Variants in GREB1L observed in about 807,000 individuals in gnomAD.
GREB1L encodes GREB1-like protein.
In GREB1L, 17 loss-of-function variants were observed where a neutral mutation model predicts 200.8. The observed-to-expected ratio is 0.08, with a 90% CI of 0.06 to 0.13. The LOEUF (loss-of-function observed/expected upper bound fraction) is 0.13, where lower values mean the gene tolerates loss of function less well. Ranked by LOEUF, GREB1L falls within the 10% of genes least tolerant of loss-of-function variation. The pLI, the probability that GREB1L is intolerant of heterozygous loss-of-function variation, is 1.00. For missense variants in GREB1L, 1,657 were observed against 2,367.7 expected, an observed-to-expected ratio of 0.70 and a Z score of 6.23; for synonymous variants, 789 against 893.0, an observed-to-expected ratio of 0.88 and a Z score of 2.08.
intron 1 of GREB1L, among the ~76,000 whole-genome samples, chr18:21,355,181 G>A (rs1435623656): frequency 6.7e-6 from 1 of 149,990 alleles, no homozygotes; most frequent in Non-Finnish European, 1.5e-5. Context: ...ATCACATGCT[G>A]TCTTTTGTTA....
chr18:21,485,744 T>C lies in GREB1L; in HGVS notation c.2681T>C (p.Leu894Pro). The change falls in exon 18 of 33, where the codon CTC becomes CCC. Residue 894 changes from leucine to proline, a missense_variant. Coordinates refer to ENST00000424526, the MANE Select transcript of GREB1L (RefSeq NM_001142966.3). ...DETFEKMVNT[L>P]LERYPRLHSM... ...ACTTTTGAAAAAATGGTGAACACAC[T>C]CTTGGAGAGGTAAATAGTAAATAAG... is the stretch of plus-strand genomic sequence containing the variant. The C allele has an allele frequency of 6.4e-7, 1 of 1,551,510 alleles. No individual in the cohort carries two copies.
intron 1 of GREB1L, among the ~76,000 whole-genome samples, chr18:21,256,316 C>T (rs955874379): frequency 2.0e-5 from 3 of 152,112 alleles, no homozygotes; most frequent in Non-Finnish European, 4.4e-5. Context: ...GCCTGAAAAT[C>T]GCTGGAGCAG....
Position 21,302,015 on chromosome 18 carries a change from A to C in GREB1L, c.-120+59622A>C, listed in dbSNP as rs149538517. Among the ~76,000 whole-genome samples, 34 of 152,376 alleles carry C rather than the reference A, an allele frequency of 2.2e-4. No individual in the cohort carries two copies. In the East Asian group the frequency reaches 6.2e-3, roughly 28 times the overall value. ...TGAGAACATAGATACCCTGGTAGACATACTTTTGACAGCATTTACCACATT... is the reference window on the plus strand; with the variant it reads ...TGAGAACATAGATACCCTGGTAGACCTACTTTTGACAGCATTTACCACATT... On this transcript the variant is annotated intron_variant, in intron 1 of 32. Coordinates refer to ENST00000424526, the MANE Select transcript of GREB1L (RefSeq NM_001142966.3).
intron 7 of GREB1L, among the ~76,000 whole-genome samples, chr18:21,426,984 AAAAC>A (rs1568000327): frequency 2.1e-5 from 3 of 144,524 alleles, no homozygotes; most frequent in Admixed American, 7.0e-5. Flanking sequence ...AAAAAAAAAA[AAAAC>A]AAAAAAAAAA....
At chr18:21,484,555 G>A (rs1225463236) in intron 17 of GREB1L, among the ~76,000 whole-genome samples, 3 of 152,142 alleles carry the variant, frequency 2.0e-5, no homozygotes, top group Admixed American at 6.5e-5. Context: ...AGTAGCTTAC[G>A]CCTGTAATCC....
intron 1 of GREB1L, among the ~76,000 whole-genome samples, chr18:21,306,619 A>G (rs547072507): frequency 7.9e-5 from 12 of 152,366 alleles, no homozygotes; most frequent in African/African-American, 2.9e-4. Flanking sequence ...GGCAGTAGCC[A>G]TGCATACATC....
In GREB1L at chr18:21,512,248, C is replaced by T. The variant is rs1489576899; in HGVS notation, c.4736-1573C>T. ...AAAGTCTTTGGGATTTTGATAGGGA[C>T]TGCATTAAGGCTATGGATCACTTTG... On this transcript the variant is annotated intron_variant, in intron 27 of 32. Coordinates refer to ENST00000424526, the MANE Select transcript of GREB1L (RefSeq NM_001142966.3). Among the ~76,000 whole-genome samples the T allele has an allele frequency of 3.9e-5, 6 of 152,286 alleles. No individual in the cohort carries two copies. The East Asian group carries it at 9.6e-4, about 24-fold the overall frequency.
At chr18:21,479,754 T>C (rs149941913) in intron 17 of GREB1L, among the ~76,000 whole-genome samples, 1,564 of 152,300 alleles carry the variant, frequency 0.01, 16 homozygotes, top group Middle Eastern at 0.024. Context: ...TATTTATTTT[T>C]ACGTTTTTTT....
chr18:21,466,785 A>G (rs2035277177), intron 15 of GREB1L, among the ~76,000 whole-genome samples: 1 of 152,198 alleles, frequency 6.6e-6, no homozygotes, highest in Non-Finnish European at 1.5e-5. Context: ...TTGAGGACCC[A>G]GCATACCCAA....
At chr18:21,299,061 T>C (rs1230114071) in intron 1 of GREB1L, among the ~76,000 whole-genome samples, 1 of 151,992 alleles carries the variant, frequency 6.6e-6, no homozygotes, top group Non-Finnish European at 1.5e-5. Flanking sequence ...GCAGATCACG[T>C]GAGGTCAGGA....
chr18:21,401,561 G>T (rs1363635253), intron 6 of GREB1L, among the ~76,000 whole-genome samples: 2 of 152,166 alleles, frequency 1.3e-5, no homozygotes, highest in Non-Finnish European at 2.9e-5. Flanking sequence ...TGGGAAGGGG[G>T]TACAGCTCTC....
intron 4 of GREB1L, among the ~76,000 whole-genome samples, chr18:21,391,879 G>A (rs768976381): frequency 1.3e-5 from 2 of 152,038 alleles, no homozygotes; most frequent in Admixed American, 6.6e-5. Flanking sequence ...GTGCAATCTC[G>A]GCTCACTGCA....
At chr18:21,453,972 G>GAA (rs1265313810) in intron 14 of GREB1L, among the ~76,000 whole-genome samples, 2 of 152,202 alleles carry the variant, frequency 1.3e-5, no homozygotes, top group Non-Finnish European at 2.9e-5. Flanking sequence ...CGGGGCTGGA[G>GAA]AACTGGCCTG....
At chr18:21,321,893 C>T (rs756136203) in intron 1 of GREB1L, among the ~76,000 whole-genome samples, 1 of 152,136 alleles carries the variant, frequency 6.6e-6, no homozygotes, top group Non-Finnish European at 1.5e-5. Context: ...GTTTCTTTTG[C>T]ATGATACACA....
chr18:21,416,424 A>G lies in GREB1L; in HGVS notation c.832+12430A>G, dbSNP rs1598794908. Among the ~76,000 whole-genome samples, 7 of 152,242 alleles carry G rather than the reference A, an allele frequency of 4.6e-5. No homozygotes were observed. In the South Asian group the frequency reaches 1.5e-3, roughly 32 times the overall value. On this transcript the variant is annotated intron_variant, in intron 7 of 32. Transcript: ENST00000424526. Reference sequence around the variant, plus strand: ...AACATTATAAACCCACAGATCCAAGACATTCAGTGAACCCCAAGCATAAGA... The same window carrying G: ...AACATTATAAACCCACAGATCCAAGGCATTCAGTGAACCCCAAGCATAAGA...
chr18:21,245,159 A>G (rs1330614977), intron 1 of GREB1L, among the ~76,000 whole-genome samples: 1 of 152,190 alleles, frequency 6.6e-6, no homozygotes, highest in Non-Finnish European at 1.5e-5. Flanking sequence ...GTGACTGCGT[A>G]TGGTCTAAAT....
intron 1 of GREB1L, among the ~76,000 whole-genome samples, chr18:21,347,891 C>T (rs1263845349): frequency 1.3e-5 from 2 of 149,230 alleles, no homozygotes. Context: ...CTCAGCCTCC[C>T]GAGTAGCTGG....
intron 1 of GREB1L, among the ~76,000 whole-genome samples, chr18:21,358,822 A>G (rs1193528622): frequency 6.6e-6 from 1 of 152,258 alleles, no homozygotes; most frequent in Non-Finnish European, 1.5e-5. Context: ...CTACCTGCTC[A>G]CTAAAAACTG....
chr18:21,384,038 G>T (rs144472027), intron 3 of GREB1L, among the ~76,000 whole-genome samples, 168 bp from the exon 4 acceptor site: 44 of 152,196 alleles, frequency 2.9e-4, no homozygotes, highest in African/African-American at 9.9e-4. Context: ...TTAAAAAGTG[G>T]GATTCTTGTT....
Sources: allele counts gnomAD v4.1 joint callset (sites outside exome capture counted in the v4.1 genomes callset), GRCh38; gene constraint gnomAD v4.1.1; transcripts MANE v1.5; gene names NCBI Gene and HGNC (gene_info 2026-07-23, HGNC 2026-07-21).